Variants in ZDHHC23 observed in about 807,000 individuals in gnomAD.
The protein encoded by ZDHHC23 is zDHHC palmitoyltransferase 23, also known as palmitoyltransferase ZDHHC23.
A neutral mutation model predicts 40.2 loss-of-function variants in ZDHHC23; 41 were observed. The observed-to-expected ratio is 1.02, with a 90% CI of 0.79 to 1.32. The LOEUF is 1.32. ZDHHC23 is among the 40% of genes most tolerant of loss of function. The pLI is 0.00. For synonymous variants in ZDHHC23, 204 were observed against 210.2 expected, an observed-to-expected ratio of 0.97 and a Z score of 0.26; for missense variants, 471 against 541.5, an observed-to-expected ratio of 0.87 and a Z score of 1.29.
rs749587167 is a variant in ZDHHC23, at chr3:113,958,452, G to A, written c.1130G>A (p.Ser377Asn). Residue 377 changes from serine (S) to asparagine (N), a missense_variant, in exon 5 of 5, where the codon AGC (serine) becomes AAC (asparagine). Physicochemically the swap from Ser to Asn is conservative, Grantham distance 46. Transcript: ENST00000638807. Reference protein sequence around the residue: ...YIFLIQLINISYNVTEREVQQ... With the variant: ...YIFLIQLININYNVTEREVQQ... ...TTCCTGATCCAGCTGATCAACATCA[G>A]CTACAATGTGACTGAGCGGGAAGTC... The A allele has an allele frequency of 5.0e-6, 8 of 1,614,148 alleles. No individual in the cohort carries two copies. The highest frequency in any genetic ancestry group is 1.7e-5 in the Admixed American group (1 of 60,014).
Position 113,959,468 on chromosome 3 carries a change from T to C in ZDHHC23, c.*838T>C, listed in dbSNP as rs1939528127. The C allele has an allele frequency of 7.9e-7, 1 of 1,262,274 alleles. No individual in the cohort carries two copies. Among genetic ancestry groups the C allele is most frequent in the Non-Finnish European group, 1.0e-6 (1 of 967,280 alleles). 78.2% of individuals were successfully genotyped at this position (1,262,274 alleles called of 1,614,324 possible). On this transcript the variant is annotated 3_prime_UTR_variant, in exon 5 of 5. Coordinates refer to ENST00000638807, the MANE Select transcript of ZDHHC23 (RefSeq NM_001320466.2). ...TTATAAATTCTGCTTGGGTTTCTTATAAATAACTCCAACAGGCATTCATGT... is the reference window on the plus strand; with the variant it reads ...TTATAAATTCTGCTTGGGTTTCTTACAAATAACTCCAACAGGCATTCATGT...
rs534449446 is a variant in ZDHHC23 at position 113,960,723 on chromosome 3, T to G, written c.*2093T>G. ...TTTAACAACTTACCTCTAATAGGGT[T>G]ACTTGGATGAGCCAACTCCGCTTCC... On this transcript the variant is annotated 3_prime_UTR_variant, in exon 5 of 5. Coordinates refer to ENST00000638807, the MANE Select transcript of ZDHHC23 (RefSeq NM_001320466.2). The G allele has an allele frequency of 6.3e-7, 1 of 1,590,732 alleles. No homozygotes were observed. The highest frequency in any genetic ancestry group is 1.4e-5 in the African/African-American group (1 of 73,500).
chr3:113,978,044 A>G, the ZDHHC23 span: 1 of 806,596 alleles, frequency 1.2e-6, no homozygotes, highest in South Asian at 1.8e-5. Context: ...ATTGCTGGTG[A>G]GCCGGGACTC....
chr3:113,965,397 A>G (rs749865048), downstream of ZDHHC23: 2 of 1,394,846 alleles, frequency 1.4e-6, no homozygotes, highest in South Asian at 1.4e-5. Context: ...AAATGTTGAG[A>G]AAAAGTTGGC....
At chr3:113,976,826 T>C in the ZDHHC23 span, among the ~76,000 whole-genome samples, 1 of 152,258 alleles carries the variant, frequency 6.6e-6, no homozygotes, top group Admixed American at 6.5e-5. Context: ...ACATAGATAT[T>C]GAGTCCTAAA....
At chr3:113,976,735 G>T in the ZDHHC23 span, among the ~76,000 whole-genome samples, 1 of 151,754 alleles carries the variant, frequency 6.6e-6, no homozygotes, top group African/African-American at 2.4e-5. Flanking sequence ...CAATCCATAA[G>T]ATAGATAGAT....
chr3:113,978,048 G>T, the ZDHHC23 span: 51 of 859,294 alleles, frequency 5.9e-5, no homozygotes, highest in African/African-American at 6.4e-4. Flanking sequence ...CTGGTGAGCC[G>T]GGACTCCCAC....
At chr3:113,954,542 G>A in intron 3 of ZDHHC23, 132 bp downstream of exon 3, 1 of 842,202 alleles carries the variant, frequency 1.2e-6, no homozygotes, top group Non-Finnish European at 1.8e-6. Context: ...TTTGTGGGTT[G>A]TTGTGATGTT....
At chr3:113,950,607 T>TA (rs1400821355) in intron 2 of ZDHHC23, among the ~76,000 whole-genome samples, 1 of 152,208 alleles carries the variant, frequency 6.6e-6, no homozygotes, top group Admixed American at 6.5e-5. Context: ...GGGACACAGA[T>TA]ACTTCCTGGC....
the ZDHHC23 span, chr3:113,978,108 A>C: frequency 1.3e-6 from 2 of 1,512,146 alleles, no homozygotes; most frequent in Admixed American, 1.7e-5. Context: ...ATCTCTGCAG[A>C]CACATTGTAG....
At chr3:113,966,977 T>A (rs1940242656), downstream of ZDHHC23, among the ~76,000 whole-genome samples, 2 of 152,030 alleles carry the variant, frequency 1.3e-5, no homozygotes, top group African/African-American at 2.4e-5. Flanking sequence ...CAGGCACCTG[T>A]AATCCCAGCT....
chr3:113,958,174 T>C (rs971052278), intron 4 of ZDHHC23, among the ~76,000 whole-genome samples, 189 bp from the exon 5 acceptor site: 2 of 151,964 alleles, frequency 1.3e-5, no homozygotes, highest in Admixed American at 1.3e-4. Flanking sequence ...CCAGTAATTA[T>C]AGAATAAACA....
intron 2 of ZDHHC23, among the ~76,000 whole-genome samples, chr3:113,951,682 C>T (rs2107451903): frequency 6.6e-6 from 1 of 152,312 alleles, no homozygotes; most frequent in African/African-American, 2.4e-5. Flanking sequence ...AGGGTCCTTC[C>T]ATTGTCTTGA....
chr3:113,976,253 T>C, the ZDHHC23 span, among the ~76,000 whole-genome samples: 1 of 151,190 alleles, frequency 6.6e-6, no homozygotes, highest in South Asian at 2.1e-4. Flanking sequence ...AGTAAGACTT[T>C]GTCTCAGGGT....
chr3:113,976,449 A>ATTTC, the ZDHHC23 span, among the ~76,000 whole-genome samples: 1 of 152,046 alleles, frequency 6.6e-6, no homozygotes, highest in African/African-American at 2.4e-5. Flanking sequence ...CCTGTTGCTT[A>ATTTC]TTTCTTTGCC....
downstream of ZDHHC23, among the ~76,000 whole-genome samples, chr3:113,968,168 T>TCATATGCATAGAAC (rs1188611464): frequency 1.3e-5 from 2 of 152,190 alleles, no homozygotes; most frequent in African/African-American, 4.8e-5. Flanking sequence ...AATTGCTGGA[T>TCATATGCATAGAAC]CATATGGTAG....
downstream of ZDHHC23, among the ~76,000 whole-genome samples, chr3:113,968,166 G>C (rs1223105942): frequency 6.6e-6 from 1 of 152,112 alleles, no homozygotes; most frequent in Non-Finnish European, 1.5e-5. Flanking sequence ...GGAATTGCTG[G>C]ATCATATGGT....
At chr3:113,968,268 C>T (rs375082379), downstream of ZDHHC23, among the ~76,000 whole-genome samples, 1 of 152,126 alleles carries the variant, frequency 6.6e-6, no homozygotes, top group Non-Finnish European at 1.5e-5. Context: ...GTGAGGGTTT[C>T]CCTTTCTCCA....
At position 113,960,851 on chromosome 3, in the gene ZDHHC23, G is replaced by A. The variant is rs542631671; in HGVS notation, c.*2221G>A. 2.8e-6 allele frequency: 4 copies of A among 1,422,520 alleles called. No homozygotes were observed. Among genetic ancestry groups the A allele is most frequent in the Admixed American group, 2.7e-5 (1 of 36,436 alleles). 88.1% of individuals were successfully genotyped at this position (1,422,520 alleles called of 1,614,324 possible). On this transcript the variant is annotated 3_prime_UTR_variant, in exon 5 of 5. Transcript: ENST00000638807. ...ACCCATGATGGACAGTTGACAGAATGCTTAAACCTGTCAAAAGATGAGTGA... is the reference window on the plus strand; with the variant it reads ...ACCCATGATGGACAGTTGACAGAATACTTAAACCTGTCAAAAGATGAGTGA...
Sources: allele counts gnomAD v4.1 joint callset (sites outside exome capture counted in the v4.1 genomes callset), GRCh38; gene constraint gnomAD v4.1.1; transcripts MANE v1.5; gene names NCBI Gene and HGNC (gene_info 2026-07-23, HGNC 2026-07-21).